IGSF10: variants seen among roughly 807,000 people sequenced by gnomAD.
IGSF10 encodes the protein immunoglobulin superfamily member 10, also known as calvaria mechanical force protein 608.
IGSF10 carries 126 observed loss-of-function variants against 128.2 expected under a neutral mutation model. The observed-to-expected ratio is 0.98, with a 90% CI of 0.85 to 1.14. IGSF10 has a LOEUF of 1.14. IGSF10 is among the 50% of genes most tolerant of loss of function. The pLI, the probability that IGSF10 is intolerant of heterozygous loss-of-function variation, is 0.00. For synonymous variants in IGSF10, 1,185 were observed against 1,146.2 expected, an observed-to-expected ratio of 1.03 and a Z score of -0.68; for missense variants, 3,295 against 3,149.8, an observed-to-expected ratio of 1.05 and a Z score of -1.10.
At chr3:151,436,131 A>C (rs1238827656), downstream of IGSF10, 1 of 152,284 alleles carries the variant, frequency 6.6e-6, no homozygotes, top group Non-Finnish European at 1.5e-5. Flanking sequence ...TTATTAAAAC[A>C]TTTTTGTATT....
chr3:151,451,138 C>T (rs1365560437), intron 5 of IGSF10, among the ~76,000 whole-genome samples: 1 of 152,108 alleles, frequency 6.6e-6, no homozygotes, highest in Non-Finnish European at 1.5e-5. Flanking sequence ...CCATATCACC[C>T]CCATTCCCTC....
chr3:151,453,468 G>T lies in IGSF10; in HGVS notation c.631C>A (p.Leu211Ile), dbSNP rs1156531749. ...PQEMVSYMPDLDSLYLHGNPW... is the reference protein window; with the variant it reads ...PQEMVSYMPDIDSLYLHGNPW... Reference sequence around the variant, plus strand: ...TTTCCATGCAGGTAAAGGCTGTCTAGGTCAGGCATATAGGAGACCATCTCT... The same window carrying T: ...TTTCCATGCAGGTAAAGGCTGTCTATGTCAGGCATATAGGAGACCATCTCT... Residue 211 changes from leucine to isoleucine, a missense_variant, in exon 5 of 8, where the codon CTA becomes ATA. Physicochemically the swap from Leu to Ile is conservative, Grantham distance 5. Coordinates refer to ENST00000282466, the MANE Select transcript of IGSF10 (RefSeq NM_178822.5). The T allele has an allele frequency of 6.2e-7, 1 of 1,613,988 alleles. No individual in the cohort carries two copies.
At chr3:151,506,815 A>T in the IGSF10 span, among the ~76,000 whole-genome samples, 261 of 152,322 alleles carry the variant, frequency 1.7e-3, no homozygotes, top group African/African-American at 5.9e-3. Context: ...AGATTGATAG[A>T]CCAAATGGGG....
the IGSF10 span, among the ~76,000 whole-genome samples, chr3:151,579,269 T>C: frequency 6.6e-6 from 1 of 152,120 alleles, no homozygotes; most frequent in Non-Finnish European, 1.5e-5. Flanking sequence ...ATATAAATAC[T>C]ATATACCTCA....
the IGSF10 span, among the ~76,000 whole-genome samples, chr3:151,554,229 T>C: frequency 1.3e-5 from 2 of 152,128 alleles, no homozygotes; most frequent in Admixed American, 1.3e-4. Context: ...CAAAAGTTTT[T>C]GCTTTTCCCT....
intron 4 of IGSF10, among the ~76,000 whole-genome samples, chr3:151,455,356 C>G (rs1054947315): frequency 8.7e-4 from 10 of 11,510 alleles, no homozygotes; most frequent in Non-Finnish European, 2.2e-3. Flanking sequence ...AGGTGATCTG[C>G]CCCCCCTTGG....
At chr3:151,432,732 C>T, downstream of IGSF10, 2 of 1,607,070 alleles carry the variant, frequency 1.2e-6, no homozygotes, top group Non-Finnish European at 1.7e-6. Context: ...AATTTTGGTT[C>T]AATTTATTTT....
chr3:151,512,401 T>C, the IGSF10 span, among the ~76,000 whole-genome samples: 1 of 152,086 alleles, frequency 6.6e-6, no homozygotes, highest in East Asian at 1.9e-4. Flanking sequence ...ATAAAGATGT[T>C]CTTTGAAACC....
chr3:151,460,963 C>A lies in IGSF10; in HGVS notation c.-106G>T. On this transcript the variant is annotated 5_prime_UTR_variant, in exon 1 of 8. Transcript: ENST00000282466. ...GCGCTCACCTGTTTGCCCTGGTGAC[C>A]AATGGGCTCGAGCTGCCCGGGCTAG... 2 of 985,378 alleles carry A rather than the reference C, an allele frequency of 2.0e-6. No individual in the cohort carries two copies. The highest frequency in any genetic ancestry group is 4.7e-5 in the South Asian group (1 of 21,288). The allele number at this position is 985,378 out of a possible 1,614,324, so 61.0% of individuals were successfully genotyped here.
the IGSF10 span, among the ~76,000 whole-genome samples, chr3:151,603,118 A>G: frequency 6.6e-6 from 1 of 152,228 alleles, no homozygotes; most frequent in Non-Finnish European, 1.5e-5. Flanking sequence ...TTTGCTTAAC[A>G]GGGCTTTCAG....
chr3:151,595,561 T>C, the IGSF10 span, among the ~76,000 whole-genome samples: 1 of 149,106 alleles, frequency 6.7e-6, no homozygotes, highest in Non-Finnish European at 1.5e-5. Flanking sequence ...AAATGATCTA[T>C]ATATTATATA....
chr3:151,549,203 A>T, the IGSF10 span, among the ~76,000 whole-genome samples: 1 of 152,126 alleles, frequency 6.6e-6, no homozygotes, highest in Admixed American at 6.6e-5. Flanking sequence ...ACCGCTTGAT[A>T]TTCTGTCTGG....
In IGSF10 at chr3:151,445,013, T is replaced by C; in HGVS notation, c.4968A>G (p.Ala1656=). The C allele has an allele frequency of 6.2e-7, 1 of 1,614,156 alleles. No individual in the cohort carries two copies. Among genetic ancestry groups the C allele is most frequent in the Middle Eastern group, 1.6e-4 (1 of 6,062 alleles). Residue 1656 remains alanine (A), a synonymous_variant, in exon 6 of 8, where the codon GCA becomes GCG. Transcript: ENST00000282466. The part of the protein sequence containing the change: ...EKPRIVGGKA[A]SFTIPANSDA... ...CTGAGTTAGCTGGAATAGTAAAACT[T>C]GCAGCTTTTCCTCCAACTATCCTGG...
chr3:151,491,980 C>T, the IGSF10 span, among the ~76,000 whole-genome samples: 1 of 120,430 alleles, frequency 8.3e-6, no homozygotes, highest in African/African-American at 3.4e-5. Context: ...GCATCAAAAC[C>T]TCAGACCACA....
rs1397546111 is a variant in IGSF10 at position 151,457,092 on chromosome 3, G to T, written c.258C>A (p.Leu86=). 1 of 1,614,008 alleles carries T rather than the reference G, an allele frequency of 6.2e-7. No individual in the cohort carries two copies. Among genetic ancestry groups the T allele is most frequent in the Non-Finnish European group, 8.5e-7 (1 of 1,179,838 alleles). Residue 86 remains leucine (L), a synonymous_variant, in exon 4 of 8, where the codon CTC becomes CTA. Transcript: ENST00000282466. ...TGTGAATGCCATTGCTGTGAAGCAT[G>T]AGTAACTCCAGTTTGGTCAGGCCAG... ...DFSGLTKLEL[L]MLHSNGIHTI...
chr3:151,572,007 T>A, the IGSF10 span, among the ~76,000 whole-genome samples: 20 of 152,358 alleles, frequency 1.3e-4, no homozygotes, highest in African/African-American at 4.1e-4. Context: ...GTTCTGTTTA[T>A]GTGACGGATT....
At chr3:151,456,874 G>C in intron 4 of IGSF10, 152 bp downstream of exon 4, 1 of 773,838 alleles carries the variant, frequency 1.3e-6, no homozygotes, top group Non-Finnish European at 2.1e-6. Flanking sequence ...CAGTTCCACA[G>C]TTAAAAATCA....
At chr3:151,596,498 A>G in the IGSF10 span, among the ~76,000 whole-genome samples, 1 of 148,632 alleles carries the variant, frequency 6.7e-6, no homozygotes, top group Admixed American at 6.7e-5. Context: ...GTGTGTGTGT[A>G]TTGTGTATGT....
At chr3:151,582,295 G>GGA in the IGSF10 span, among the ~76,000 whole-genome samples, 2 of 116,666 alleles carry the variant, frequency 1.7e-5, 1 homozygote, top group South Asian at 8.1e-4. Flanking sequence ...AAATATCCGG[G>GGA]GGGGGGGGCG....
Sources: allele counts gnomAD v4.1 joint callset (sites outside exome capture counted in the v4.1 genomes callset), GRCh38; gene constraint gnomAD v4.1.1; transcripts MANE v1.5; gene names NCBI Gene and HGNC (gene_info 2026-07-23, HGNC 2026-07-21).